GPR132: variants seen among roughly 807,000 people sequenced by gnomAD.
GPR132 encodes the protein probable G protein-coupled receptor 132.
A neutral mutation model predicts 1.9 loss-of-function variants in GPR132; 4 were observed. The observed-to-expected ratio is 2.13, with a 90% CI of 1.05 to 4.87. The LOEUF (loss-of-function observed/expected upper bound fraction) is 4.87, where lower values mean the gene tolerates loss of function less well. Ranked by LOEUF, GPR132 falls within the 30% of genes most tolerant of loss-of-function variation. The probability of loss-of-function intolerance (pLI) is 0.01; values close to 1 mark genes in which losing one functional copy is unlikely to be tolerated. For synonymous variants in GPR132, 233 were observed against 234.2 expected (o/e 0.99, Z 0.05); for missense variants, 404 against 512.5 (o/e 0.79, Z 2.04).
At position 105,051,415 on chromosome 14, in the gene GPR132, T is replaced by A. The variant is rs1886635910; in HGVS notation, c.722A>T (p.Lys241Met). The change falls in exon 4 of 4, where the codon AAG (lysine) becomes ATG (methionine). Residue 241 changes from lysine to methionine, a missense_variant. By Grantham distance (95) the Lys-to-Met change is moderately conservative. Transcript: ENST00000329797. This position sits in a 1 kb window ranked among gnomAD's most constrained non-coding sequence, Gnocchi z 8.0. Reference sequence around the variant, plus strand: ...GACAACCACCGCGATGGCCGAGTGCTTCACCTTGGCCTTCTGGGCAGCGCT... The same window carrying A: ...GACAACCACCGCGATGGCCGAGTGCATCACCTTGGCCTTCTGGGCAGCGCT... ...GLSAAQKAKV[K>M]HSAIAVVVIF... The A allele has an allele frequency of 6.2e-7, 1 of 1,614,028 alleles. No individual in the cohort carries two copies. Among genetic ancestry groups the A allele is most frequent in the Non-Finnish European group, 8.5e-7 (1 of 1,180,030 alleles).
At position 105,059,254 on chromosome 14, in the gene GPR132, G is replaced by A. The variant is rs751491286; in HGVS notation, c.-860-1974C>T. On this transcript the variant is annotated intron_variant, in intron 1 of 3. Transcript: ENST00000329797. This position sits in a 1 kb window ranked among gnomAD's most constrained non-coding sequence, Gnocchi z 4.2. Reference sequence around the variant, plus strand: ...CTCCCTGGAGCCACTTGCTCTTCCCGCCCATCCCACGTGGCTCTTGCAGGA... The same window carrying A: ...CTCCCTGGAGCCACTTGCTCTTCCCACCCATCCCACGTGGCTCTTGCAGGA... 2.6e-5 allele frequency among the ~76,000 whole-genome samples: 4 copies of A among 152,180 alleles called. No individual in the cohort carries two copies. The highest frequency in any genetic ancestry group is 4.8e-5 in the African/African-American group (2 of 41,460).
chr14:105,051,028 C>T lies in GPR132; in HGVS notation c.1109G>A (p.Cys370Tyr). The change falls in exon 4 of 4, where the codon TGC becomes TAC. Residue 370 changes from cysteine to tyrosine, a missense_variant. By Grantham distance (194) the Cys-to-Tyr change is radical. Coordinates refer to ENST00000329797, the MANE Select transcript of GPR132 (RefSeq NM_013345.4). The surrounding 1 kb of genome is among the most constrained non-coding windows in gnomAD (Gnocchi z 8.0). The part of the protein sequence containing the change: ...SRPVHPPGSP[C>Y]PAKRLIEESC ...CTCCTCAATCAGCCTCTTTGCAGGG[C>T]ATGGTGACCCTGGTGGGTGCACGGG... 6.2e-7 allele frequency: 1 copy of T among 1,613,810 alleles called. No individual in the cohort carries two copies.
At chr14:105,064,169 G>A (rs1388005132) in intron 1 of GPR132, among the ~76,000 whole-genome samples, 2 of 152,000 alleles carry the variant, frequency 1.3e-5, no homozygotes, top group East Asian at 1.9e-4. Flanking sequence ...GCTGTTTCAC[G>A]GTTGCTGGCC....
rs993663144 is a variant in GPR132 at position 105,055,557 on chromosome 14, C to A, written c.-137G>T. 2.8e-6 allele frequency: 2 copies of A among 720,436 alleles called. No homozygotes were observed. Among genetic ancestry groups the A allele is most frequent in the Non-Finnish European group, 5.2e-6 (2 of 385,922 alleles). 44.6% of individuals were successfully genotyped at this position (720,436 alleles called of 1,614,324 possible). On this transcript the variant is annotated 5_prime_UTR_variant, in exon 3 of 4. Coordinates refer to ENST00000329797, the MANE Select transcript of GPR132 (RefSeq NM_013345.4). The surrounding 1 kb of genome is among the most constrained non-coding windows in gnomAD (Gnocchi z 4.7). The stretch of plus-strand genomic sequence containing the variant: ...GCCTCCATTCCACTTTGTCTCTGTG[C>A]GCTGGGCTCCCCTGTCACCTCCCCA...
chr14:105,052,035 G>T lies in GPR132; in HGVS notation c.102C>A (p.Asn34Lys), dbSNP rs1441406193. The change falls in exon 4 of 4, where the codon AAC (asparagine) becomes AAA (lysine). Residue 34 changes from asparagine (N) to lysine (K), a missense_variant. Asn to Lys is a moderately conservative substitution (Grantham distance 94, BLOSUM62 0). Transcript: ENST00000329797. ...TCCTGCTCTCTTCGAAGGACACGTTGTTGCAGGTCTTGGCGGAGAGGCCCA... is the reference window on the plus strand; with the variant it reads ...TCCTGCTCTCTTCGAAGGACACGTTTTTGCAGGTCTTGGCGGAGAGGCCCA... ...ASLGLSAKTC[N>K]NVSFEESRIV... The T allele has an allele frequency of 1.9e-6, 3 of 1,608,254 alleles. No individual in the cohort carries two copies. Among genetic ancestry groups the T allele is most frequent in the East Asian group, 4.5e-5 (2 of 44,814 alleles).
At position 105,055,848 on chromosome 14, in the gene GPR132, T is replaced by C; in HGVS notation, c.-428A>G. ...GTGGCGTGTGGCGTGTGGCGTGTTC[T>C]GCTCAGCCACGACTCCGCTGACAGA... On this transcript the variant is annotated 5_prime_UTR_variant, in exon 3 of 4. Transcript: ENST00000329797. This position sits in a 1 kb window ranked among gnomAD's most constrained non-coding sequence, Gnocchi z 4.7. 1 of 177,780 alleles carries C rather than the reference T, an allele frequency of 5.6e-6. No homozygotes were observed. Among genetic ancestry groups the C allele is most frequent in the Non-Finnish European group, 1.2e-5 (1 of 85,092 alleles). 11.0% of individuals were successfully genotyped at this position (177,780 alleles called of 1,614,324 possible).
At chr14:105,054,264 G>A in intron 3 of GPR132, 1 of 1,164,670 alleles carries the variant, frequency 8.6e-7, no homozygotes, top group Non-Finnish European at 1.1e-6. Flanking sequence ...GGGGTCCCTG[G>A]GCACTGTCCA....
In GPR132 at chr14:105,056,211, C is replaced by A. The variant is rs927432418; in HGVS notation, c.-746-45G>T. 9 of 977,412 alleles carry A rather than the reference C, an allele frequency of 9.2e-6. No homozygotes were observed. The East Asian group carries it at 9.1e-4, about 99-fold the overall frequency. 60.5% of individuals were successfully genotyped at this position (977,412 alleles called of 1,614,324 possible). ...GGGTGTGACTGGGCTGCCTCACACTCAGTTGTCACCACTTCGCCCAAGACA... is the reference window on the plus strand; with the variant it reads ...GGGTGTGACTGGGCTGCCTCACACTAAGTTGTCACCACTTCGCCCAAGACA... On this transcript the variant is annotated intron_variant, in intron 2 of 3. Transcript: ENST00000329797. The surrounding 1 kb of genome is among the most constrained non-coding windows in gnomAD (Gnocchi z 6.0).
Position 105,059,004 on chromosome 14 carries a change from C to T in GPR132, c.-860-1724G>A, listed in dbSNP as rs948829178. The stretch of plus-strand genomic sequence containing the variant: ...GAGGCTGAGCCTGGCGGCTGCCTCA[C>T]TAGCTCCAATCCTGCCTCCCTGGTG... On this transcript the variant is annotated intron_variant, in intron 1 of 3. Coordinates refer to ENST00000329797, the MANE Select transcript of GPR132 (RefSeq NM_013345.4). This position sits in a 1 kb window ranked among gnomAD's most constrained non-coding sequence, Gnocchi z 4.2. Among the ~76,000 whole-genome samples the T allele has an allele frequency of 3.9e-5, 6 of 152,224 alleles. No individual in the cohort carries two copies. Among genetic ancestry groups the T allele is most frequent in the African/African-American group, 1.2e-4 (5 of 41,454 alleles).
intron 1 of GPR132, among the ~76,000 whole-genome samples, chr14:105,064,488 C>T (rs1027029159): frequency 5.3e-5 from 8 of 152,210 alleles, no homozygotes; most frequent in Admixed American, 4.6e-4. Context: ...CGTGTGCCAA[C>T]ACGCCCGGCT....
intron 3 of GPR132, among the ~76,000 whole-genome samples, chr14:105,054,728 G>C (rs1886741682): frequency 6.7e-6 from 1 of 148,958 alleles, no homozygotes; most frequent in African/African-American, 2.4e-5. Context: ...ACCATGCCAG[G>C]CCACTTGTTT....
At chr14:105,052,170 G>A in intron 3 of GPR132, 68 bp from the exon 4 acceptor site, 2 of 1,318,368 alleles carry the variant, frequency 1.5e-6, no homozygotes, top group Non-Finnish European at 1.0e-6. Context: ...TCTACTGTGG[G>A]AAGAAAGGAT....
rs1269863601 is a variant in GPR132, at chr14:105,051,098, G to C, written c.1039C>G (p.Leu347Val). The C allele has an allele frequency of 1.9e-6, 3 of 1,614,076 alleles. No individual in the cohort carries two copies. The highest frequency in any genetic ancestry group is 2.5e-6 in the Non-Finnish European group (3 of 1,180,022). The change falls in exon 4 of 4, where the codon CTG (leucine) becomes GTG (valine). Residue 347 changes from leucine to valine, a missense_variant. Physicochemically the swap from Leu to Val is conservative, Grantham distance 32. Transcript: ENST00000329797. The surrounding 1 kb of genome is among the most constrained non-coding windows in gnomAD (Gnocchi z 8.0). ...RLTHSRDTEELQSPVALADHY... is the reference protein window; with the variant it reads ...RLTHSRDTEEVQSPVALADHY... ...TCTGCAAGGGCCACGGGCGACTGCA[G>C]CTCCTCGGTGTCCCTGCTGTGGGTG... is the stretch of plus-strand genomic sequence containing the variant.
In GPR132 at chr14:105,057,511, CTTTT is replaced by C. The variant is rs11299805; in HGVS notation, c.-860-235_-860-232del. The C allele has an allele frequency of 2.3e-3, 206 of 88,836 alleles. 2 individuals carry two copies. The East Asian group carries it at 0.03, about 13-fold the overall frequency. 5.5% of individuals were successfully genotyped at this position (88,836 alleles called of 1,614,324 possible). On this transcript the variant is annotated intron_variant, in intron 1 of 3. Transcript: ENST00000329797. ...TTAGCCACTGCGACTACATACGATT[CTTTT>C]TTTTTTTTTTTTTTTTTTTTCTTGA...
chr14:105,050,939 C>T lies in GPR132; in HGVS notation c.*55G>A. 2.0e-6 allele frequency: 3 copies of T among 1,537,292 alleles called. No homozygotes were observed. The highest frequency in any genetic ancestry group is 1.2e-5 in the South Asian group (1 of 85,824). ...GGCTGGTGGGCTCAGTGCACAGGAA[C>T]CACATTGCTGGCCCCAGGACCCCCA... On this transcript the variant is annotated 3_prime_UTR_variant, in exon 4 of 4. Coordinates refer to ENST00000329797, the MANE Select transcript of GPR132 (RefSeq NM_013345.4). This position sits in a 1 kb window ranked among gnomAD's most constrained non-coding sequence, Gnocchi z 4.0.
Position 105,050,869 on chromosome 14 carries a change from A to G in GPR132, c.*125T>C. On this transcript the variant is annotated 3_prime_UTR_variant, in exon 4 of 4. Coordinates refer to ENST00000329797, the MANE Select transcript of GPR132 (RefSeq NM_013345.4). This position sits in a 1 kb window ranked among gnomAD's most constrained non-coding sequence, Gnocchi z 4.0. The stretch of plus-strand genomic sequence containing the variant: ...GGTCACGGAGGGAGTGGCTTCAGGA[A>G]CGAGAAATTGGTAGTTTGTCTTCCA... 1.1e-6 allele frequency: 1 copy of G among 885,116 alleles called. No individual in the cohort carries two copies. 54.8% of individuals were successfully genotyped at this position (885,116 alleles called of 1,614,324 possible). A position where few individuals can be genotyped will look rare whatever the true frequency, so the allele number is the denominator to read the frequency against.
At chr14:105,062,540 C>CTTTTTTTTTTTTTTTTTTTTTTT (rs59869492) in intron 1 of GPR132, among the ~76,000 whole-genome samples, 1 of 128,684 alleles carries the variant, frequency 7.8e-6, no homozygotes, top group Non-Finnish European at 1.6e-5. Flanking sequence ...CTTTTCTTTT[C>CTTTTTTTTTTTTTTTTTTTTTTT]TTTTTTTTTT....
chr14:105,055,388 A>G lies in GPR132; in HGVS notation c.33T>C (p.Asn11=), dbSNP rs1886762840. The change falls in exon 3 of 4, where the codon AAT becomes AAC. Residue 11 remains asparagine (N), a splice_region_variant and synonymous_variant. Coordinates refer to ENST00000329797, the MANE Select transcript of GPR132 (RefSeq NM_013345.4). The surrounding 1 kb of genome is among the most constrained non-coding windows in gnomAD (Gnocchi z 4.7). ...AAATACACATAACAAGGAATTTACC[A>G]TTGTAACCGTTTTTCAGTAGCATTG... MCPMLLKNGY[N]GNATPVTTTA... is the part of the protein sequence containing the mutation. The G allele has an allele frequency of 1.3e-6, 1 of 780,950 alleles. No homozygotes were observed. Among genetic ancestry groups the G allele is most frequent in the Non-Finnish European group, 2.4e-6 (1 of 418,124 alleles). 48.4% of individuals were successfully genotyped at this position (780,950 alleles called of 1,614,324 possible).
In GPR132 at chr14:105,056,791, G is replaced by A. The variant is rs1332330850; in HGVS notation, c.-747+376C>T. Among the ~76,000 whole-genome samples, 1 of 152,236 alleles carries A rather than the reference G, an allele frequency of 6.6e-6. No homozygotes were observed. Among genetic ancestry groups the A allele is most frequent in the African/African-American group, 2.4e-5 (1 of 41,462 alleles). ...CCTGGGAAGAGAGCCTTCCTGGTGG[G>A]TCAGAAGTAGGGGCAACGGCACCAG... On this transcript the variant is annotated intron_variant, in intron 2 of 3. Transcript: ENST00000329797. The surrounding 1 kb of genome is among the most constrained non-coding windows in gnomAD (Gnocchi z 6.0).
Sources: allele counts gnomAD v4.1 joint callset (sites outside exome capture counted in the v4.1 genomes callset), GRCh38; gene constraint gnomAD v4.1.1; non-coding constraint Gnocchi (gnomAD v3.1); transcripts MANE v1.5; gene names NCBI Gene and HGNC (gene_info 2026-07-23, HGNC 2026-07-21).